The following PLCXD3 variants were observed in gnomAD, a reference collection of about 807,000 sequenced individuals.
PLCXD3 encodes PI-PLC X domain-containing protein 3.
Under a neutral mutation model 25.5 loss-of-function variants are expected in PLCXD3, and 19 were observed. The observed-to-expected ratio is 0.75, with a 90% CI of 0.52 to 1.09. The LOEUF (loss-of-function observed/expected upper bound fraction) is 1.09, where lower values mean the gene tolerates loss of function less well. Among genes scored for constraint, PLCXD3 ranks in the 50% least tolerant of loss-of-function variants. The probability of loss-of-function intolerance (pLI) is 0.00; values close to 1 mark genes in which losing one functional copy is unlikely to be tolerated. For missense variants in PLCXD3, 411 were observed against 388.1 expected (o/e 1.06, Z -0.50); for synonymous variants, 174 against 137.6 (o/e 1.26, Z -1.85).
At chr5:41,427,894 AT>A (rs902619760) in intron 1 of PLCXD3, among the ~76,000 whole-genome samples, 14 of 152,284 alleles carry the variant, frequency 9.2e-5, no homozygotes, top group South Asian at 8.3e-4. Context: ...TGGGAAACAT[AT>A]TTTTTAATGT....
intron 1 of PLCXD3, among the ~76,000 whole-genome samples, chr5:41,440,909 C>G (rs889345036): frequency 4.6e-5 from 7 of 152,108 alleles, no homozygotes; most frequent in Non-Finnish European, 8.8e-5. Context: ...TTCTCTTGAA[C>G]TTTTAGAACC....
intron 2 of PLCXD3, among the ~76,000 whole-genome samples, chr5:41,364,258 G>A (rs1192453874): frequency 2.0e-5 from 3 of 152,130 alleles, no homozygotes; most frequent in South Asian, 2.1e-4. Flanking sequence ...CTATATTGCC[G>A]AGGCTGAGAA....
chr5:41,397,074 T>C lies in PLCXD3; in HGVS notation c.104-14540A>G, dbSNP rs573955419. Among the ~76,000 whole-genome samples, 47 of 152,282 alleles carry C rather than the reference T, an allele frequency of 3.1e-4. 1 individual carries two copies. The South Asian group carries it at 3.9e-3, about 13-fold the overall frequency. On this transcript the variant is annotated intron_variant, in intron 1 of 2. Transcript: ENST00000377801. ...ATGCAGTAGAAAAGGAAAACCCATT[T>C]TTTGGGGAAGAATTCAAGGCTGCAG...
intron 1 of PLCXD3, among the ~76,000 whole-genome samples, chr5:41,456,383 C>T (rs1012770844): frequency 1.3e-5 from 2 of 151,774 alleles, no homozygotes; most frequent in Non-Finnish European, 2.9e-5. Context: ...TGTTACAAAA[C>T]ATTCTGTGTT....
At chr5:41,491,990 G>C (rs1179623355) in intron 1 of PLCXD3, among the ~76,000 whole-genome samples, 1 of 152,192 alleles carries the variant, frequency 6.6e-6, no homozygotes, top group African/African-American at 2.4e-5. Context: ...ATGTTAGCTG[G>C]TTATTTTGCT....
intron 1 of PLCXD3, among the ~76,000 whole-genome samples, chr5:41,401,463 C>T (rs541991718): frequency 6.6e-6 from 1 of 152,076 alleles, no homozygotes; most frequent in Admixed American, 6.5e-5. Flanking sequence ...TCTTTTCTTC[C>T]ACTAAATTAC....
chr5:41,433,620 C>T lies in PLCXD3; in HGVS notation c.104-51086G>A, dbSNP rs927375905. ...AGGCACAGGAGAAATGAGACCTGAG[C>T]CCTTGGTGCCAAAGTGTTTCTTCTA... On this transcript the variant is annotated intron_variant, in intron 1 of 2. Transcript: ENST00000377801. Among the ~76,000 whole-genome samples the T allele has an allele frequency of 5.9e-5, 9 of 152,232 alleles. No individual in the cohort carries two copies. The East Asian group carries it at 9.7e-4, about 16-fold the overall frequency.
intron 1 of PLCXD3, among the ~76,000 whole-genome samples, chr5:41,484,076 G>T (rs1321428784): frequency 1.3e-5 from 2 of 152,050 alleles, no homozygotes; most frequent in African/African-American, 4.8e-5. Flanking sequence ...TCCACTTTAG[G>T]AATCAAGACT....
intron 1 of PLCXD3, among the ~76,000 whole-genome samples, chr5:41,428,335 C>G (rs1046066005): frequency 6.7e-6 from 1 of 150,224 alleles, no homozygotes; most frequent in Non-Finnish European, 1.5e-5. Flanking sequence ...CCCAGTACCT[C>G]AGAATAGGGT....
chr5:41,392,200 A>G (rs912312854), intron 1 of PLCXD3, among the ~76,000 whole-genome samples: 2 of 152,208 alleles, frequency 1.3e-5, no homozygotes, highest in South Asian at 4.1e-4. Flanking sequence ...CAGGGCATTG[A>G]GTGAACATAG....
At chr5:41,406,582 G>T (rs1264261903) in intron 1 of PLCXD3, among the ~76,000 whole-genome samples, 4 of 152,028 alleles carry the variant, frequency 2.6e-5, no homozygotes, top group African/African-American at 9.7e-5. Context: ...ACTGTGTCAT[G>T]GTAAATACTG....
rs958921623 is a variant in PLCXD3, at chr5:41,373,674, C to T, written c.812+8152G>A. 2.0e-5 allele frequency among the ~76,000 whole-genome samples: 3 copies of T among 151,734 alleles called. No homozygotes were observed. The South Asian group carries it at 6.2e-4, about 32-fold the overall frequency. On this transcript the variant is annotated intron_variant, in intron 2 of 2. Transcript: ENST00000377801. The stretch of plus-strand genomic sequence containing the variant: ...AATTCTTCAGTTGAAACTCCTCCTC[C>T]CCCTTTTCCTCTTCTTCTTCTTCTT...
intron 1 of PLCXD3, among the ~76,000 whole-genome samples, chr5:41,409,701 C>T (rs1178030191): frequency 6.6e-6 from 1 of 152,136 alleles, no homozygotes; most frequent in Non-Finnish European, 1.5e-5. Context: ...CGCTATTGTG[C>T]CCTCAACAAA....
At chr5:41,488,900 G>T (rs1748583290) in intron 1 of PLCXD3, among the ~76,000 whole-genome samples, 3 of 151,302 alleles carry the variant, frequency 2.0e-5, no homozygotes. Flanking sequence ...TCTGATGGTA[G>T]TTTCTTTTGC....
intron 1 of PLCXD3, 146 bp downstream of exon 1, chr5:41,510,278 G>C (rs991561708): frequency 7.3e-6 from 5 of 687,760 alleles, no homozygotes; most frequent in South Asian, 5.9e-5. Flanking sequence ...TACCCGGCAC[G>C]CGCTCGCCTG....
chr5:41,359,282 A>G (rs905649502), intron 2 of PLCXD3, among the ~76,000 whole-genome samples: 3 of 152,164 alleles, frequency 2.0e-5, no homozygotes, highest in Non-Finnish European at 2.9e-5. Context: ...AGTAGTGTCA[A>G]TAGGATTGGT....
rs1195890963 is a variant in PLCXD3 at position 41,510,522 on chromosome 5, G to A, written c.5C>T (p.Ala2Val). 5.0e-6 allele frequency: 8 copies of A among 1,612,556 alleles called. No individual in the cohort carries two copies. Among genetic ancestry groups the A allele is most frequent in the African/African-American group, 1.3e-5 (1 of 74,850 alleles). The change falls in exon 1 of 3, where the codon GCC becomes GTC. Residue 2 changes from alanine (A) to valine (V), a missense_variant. By Grantham distance (64) the Ala-to-Val change is moderately conservative. Transcript: ENST00000377801. M[A>V]SSQGKNELKL... ...CAGCTCGTTTTTCCCCTGAGACGAG[G>A]CCATCGTGCCAGTCGGCGTGCAGCG...
At chr5:41,479,276 G>T (rs768655931) in intron 1 of PLCXD3, among the ~76,000 whole-genome samples, 2 of 152,148 alleles carry the variant, frequency 1.3e-5, no homozygotes, top group Non-Finnish European at 2.9e-5. Context: ...GGTGCCTAGA[G>T]TAATCAAATT....
Position 41,382,296 on chromosome 5 carries a change from A to G in PLCXD3, c.342T>C (p.His114=), listed in dbSNP as rs1404136873. Residue 114 remains histidine (H), a synonymous_variant, in exon 2 of 3, where the codon CAT becomes CAC. Coordinates refer to ENST00000377801, the MANE Select transcript of PLCXD3 (RefSeq NM_001005473.3). ...CATTGACTTTGGCACTGAACAAACC[A>G]TGAGCAAAATAGAGTTCATTGTCGG... ...RDPDNELYFA[H]GLFSAKVNEG... The G allele has an allele frequency of 6.2e-7, 1 of 1,613,646 alleles. No homozygotes were observed. Among genetic ancestry groups the G allele is most frequent in the Non-Finnish European group, 8.5e-7 (1 of 1,179,738 alleles).
Sources: allele counts gnomAD v4.1 joint callset (sites outside exome capture counted in the v4.1 genomes callset), GRCh38; gene constraint gnomAD v4.1.1; transcripts MANE v1.5; gene names NCBI Gene and HGNC (gene_info 2026-07-23, HGNC 2026-07-21).